Variants in FAM118B observed in about 807,000 individuals in gnomAD.
FAM118B encodes SIR2 antiphage like 1, also known as protein FAM118B.
FAM118B carries 24 observed loss-of-function variants against 38.5 expected under a neutral mutation model. That is an observed-to-expected ratio of 0.62 (90% CI 0.45 to 0.88). The LOEUF is 0.88. Among genes scored for constraint, FAM118B ranks in the 40% least tolerant of loss-of-function variants. The pLI, the probability that FAM118B is intolerant of heterozygous loss-of-function variation, is 0.00. For missense variants in FAM118B, 334 were observed against 420.0 expected, an observed-to-expected ratio of 0.80 and a Z score of 1.79; for synonymous variants, 138 against 156.3, an observed-to-expected ratio of 0.88 and a Z score of 0.87.
In FAM118B at chr11:126,235,074, A is replaced by G; in HGVS notation, c.73A>G (p.Thr25Ala). The change falls in exon 3 of 9, where the codon ACC becomes GCC. Residue 25 changes from threonine to alanine, a missense_variant. Thr to Ala is a moderately conservative substitution (Grantham distance 58). Around this residue, in one of 3 missense-constraint regions of FAM118B, gnomAD observed 240 missense variants for 295.9 expected, o/e 0.81. Transcript: ENST00000533050. The part of the protein sequence containing the change: ...FGFFNDGEPP[T>A]KKPRKLLPSL... ...ATTCTTCAACGATGGCGAACCTCCC[A>G]CCAAAAAGCCCAGGTAAACAAGAGA... 6.2e-7 allele frequency: 1 copy of G among 1,614,082 alleles called. No homozygotes were observed. Among genetic ancestry groups the G allele is most frequent in the South Asian group, 1.1e-5 (1 of 91,064 alleles).
intron 4 of FAM118B, among the ~76,000 whole-genome samples, chr11:126,248,394 G>A (rs1436867361): frequency 1.6e-5 from 1 of 62,964 alleles, no homozygotes; most frequent in Non-Finnish European, 2.7e-5. Context: ...TTTTGAGATG[G>A]AGTTTCGCTC....
At chr11:126,249,527 T>G (rs1209426540) in intron 4 of FAM118B, among the ~76,000 whole-genome samples, 1 of 151,530 alleles carries the variant, frequency 6.6e-6, no homozygotes, top group East Asian at 1.9e-4. Context: ...GGTCAGGAGT[T>G]CAAGACCAGC....
At chr11:126,225,106 G>C (rs1459293715) in intron 1 of FAM118B, among the ~76,000 whole-genome samples, 1 of 152,180 alleles carries the variant, frequency 6.6e-6, no homozygotes, top group Admixed American at 6.5e-5. Flanking sequence ...CTACTTTGCA[G>C]CAGAGGATGG....
chr11:126,223,537 G>C (rs896990124), intron 1 of FAM118B, among the ~76,000 whole-genome samples: 21 of 150,324 alleles, frequency 1.4e-4, no homozygotes, highest in African/African-American at 4.9e-4. Context: ...GGCAGAGCTT[G>C]CAGTGAGCCG....
intron 1 of FAM118B, among the ~76,000 whole-genome samples, chr11:126,215,677 A>G (rs1949968791): frequency 6.7e-6 from 1 of 148,516 alleles, no homozygotes; most frequent in African/African-American, 2.5e-5. Context: ...AGCCTGGGTG[A>G]AAGTATGAGA....
chr11:126,229,605 G>A (rs1950183732), intron 2 of FAM118B, among the ~76,000 whole-genome samples: 1 of 152,058 alleles, frequency 6.6e-6, no homozygotes, highest in Non-Finnish European at 1.5e-5. Context: ...ACCGCACCCG[G>A]CTAAATTTTG....
intron 5 of FAM118B, among the ~76,000 whole-genome samples, chr11:126,251,021 T>G (rs1246288023): frequency 6.6e-6 from 1 of 152,218 alleles, no homozygotes; most frequent in African/African-American, 2.4e-5. Context: ...CTTTAGCACT[T>G]GACAGTATTC....
At chr11:126,221,513 AAGTTTGAAGT>A (rs1257632612) in intron 1 of FAM118B, among the ~76,000 whole-genome samples, 1 of 152,084 alleles carries the variant, frequency 6.6e-6, no homozygotes, top group African/African-American at 2.4e-5. Context: ...TTTGGTTTTT[AAGTTTGAAGT>A]ACAGTCTGAA....
chr11:126,238,569 C>G (rs1950311597), intron 3 of FAM118B, among the ~76,000 whole-genome samples: 1 of 152,084 alleles, frequency 6.6e-6, no homozygotes, highest in African/African-American at 2.4e-5. Flanking sequence ...TGGGGGAAAT[C>G]TTGTATTTTA....
intron 3 of FAM118B, 70 bp downstream of exon 3, chr11:126,235,157 T>C (rs1950257525): frequency 2.4e-6 from 3 of 1,241,476 alleles, no homozygotes; most frequent in South Asian, 2.5e-5. Flanking sequence ...AGCCAACTTA[T>C]ACCTTCTATA....
At chr11:126,247,037 G>A (rs1950427447) in intron 4 of FAM118B, among the ~76,000 whole-genome samples, 1 of 152,160 alleles carries the variant, frequency 6.6e-6, no homozygotes, top group South Asian at 2.1e-4. Context: ...ACACGCCTGT[G>A]GTCCCACCTA....
In FAM118B at chr11:126,262,091, A is replaced by G. The variant is rs766439085; in HGVS notation, c.1043-29A>G. 66 of 1,613,696 alleles carry G rather than the reference A, an allele frequency of 4.1e-5. No individual in the cohort carries two copies. In the Middle Eastern group the frequency reaches 4.9e-4, roughly 12 times the overall value. ...GTATAAACCTGTTTTGTGAAACTTC[A>G]TTTTGTTCTCTTTTCTTTCTCCCTA... On this transcript the variant is annotated intron_variant, in intron 8 of 8. Coordinates refer to ENST00000533050, the MANE Select transcript of FAM118B (RefSeq NM_024556.4).
intron 4 of FAM118B, 107 bp downstream of exon 4, chr11:126,241,151 A>G: frequency 8.5e-7 from 1 of 1,175,148 alleles, no homozygotes; most frequent in Non-Finnish European, 1.2e-6. Context: ...TAACAGGGAT[A>G]TTCATTTACA....
Position 126,255,337 on chromosome 11 carries a change from G to C in FAM118B, c.696+904G>C, listed in dbSNP as rs985006050. Among the ~76,000 whole-genome samples the C allele has an allele frequency of 2.0e-5, 3 of 152,068 alleles. No individual in the cohort carries two copies. The highest frequency in any genetic ancestry group is 7.3e-5 in the African/African-American group (3 of 41,378). On this transcript the variant is annotated intron_variant, in intron 6 of 8. Coordinates refer to ENST00000533050, the MANE Select transcript of FAM118B (RefSeq NM_024556.4). This position sits in a 1 kb window ranked among gnomAD's most constrained non-coding sequence, Gnocchi z 4.6. ...AGATTATAGCATCTTTTAATAATGA[G>C]GCAAAAGACCGAGAAAATGTATTGT... is the stretch of plus-strand genomic sequence containing the variant.
intron 1 of FAM118B, chr11:126,214,217 G>C (rs892137678): frequency 6.6e-6 from 1 of 151,998 alleles, no homozygotes; most frequent in Non-Finnish European, 1.5e-5. Context: ...GCCAGGCGCG[G>C]TGGCAGGCGC....
intron 7 of FAM118B, 88 bp from the exon 8 acceptor site, chr11:126,261,335 CAT>C (rs1950693433): frequency 2.0e-6 from 2 of 1,007,686 alleles, no homozygotes; most frequent in East Asian, 2.4e-5. Flanking sequence ...TCAGTCGTAC[CAT>C]ATGTCCTCAT....
At chr11:126,259,466 G>A (rs11220428) in intron 7 of FAM118B, among the ~76,000 whole-genome samples, 1 of 137,508 alleles carries the variant, frequency 7.3e-6, no homozygotes, top group Non-Finnish European at 1.5e-5. Context: ...TCGCTCTGAC[G>A]CCAGGCTGGA....
intron 4 of FAM118B, among the ~76,000 whole-genome samples, chr11:126,249,264 A>G (rs1422391207): frequency 6.6e-6 from 1 of 152,238 alleles, no homozygotes; most frequent in East Asian, 1.9e-4. Flanking sequence ...GATGTTTTCA[A>G]CAGTTGCAAA....
rs1950394018 is a variant in FAM118B, at chr11:126,244,220, A to G, written c.339+3176A>G. 6.6e-6 allele frequency among the ~76,000 whole-genome samples: 1 copy of G among 152,206 alleles called. No homozygotes were observed. The highest frequency in any genetic ancestry group is 6.5e-5 in the Admixed American group (1 of 15,272). ...TTTTCCCACTCCACTCCTGTCCAAC[A>G]TGGTGCTGGATGTTCTAGACCGGGC... On this transcript the variant is annotated intron_variant, in intron 4 of 8. Transcript: ENST00000533050. The surrounding 1 kb of genome is among the most constrained non-coding windows in gnomAD (Gnocchi z 4.5).
Sources: allele counts gnomAD v4.1 joint callset (sites outside exome capture counted in the v4.1 genomes callset), GRCh38; gene constraint gnomAD v4.1.1; regional missense constraint gnomAD v4.1.1; non-coding constraint Gnocchi (gnomAD v3.1); transcripts MANE v1.5; gene names NCBI Gene and HGNC (gene_info 2026-07-23, HGNC 2026-07-21).